PDE10A: variants seen among roughly 807,000 people sequenced by gnomAD.
PDE10A encodes the protein phosphodiesterase 10A.
Under a neutral mutation model 97.7 loss-of-function variants are expected in PDE10A, and 39 were observed. The observed-to-expected ratio is 0.40, with a 90% CI of 0.31 to 0.52. The LOEUF (loss-of-function observed/expected upper bound fraction) is 0.52, where lower values mean the gene tolerates loss of function less well. Ranked by LOEUF, PDE10A falls within the 20% of genes least tolerant of loss-of-function variation. The pLI is 0.56. For synonymous variants in PDE10A, 371 were observed against 376.8 expected, an observed-to-expected ratio of 0.98 and a Z score of 0.18; for missense variants, 731 against 1,047.8, an observed-to-expected ratio of 0.70 and a Z score of 4.17.
rs189196134 is a variant in PDE10A, at chr6:165,866,488, C to T, written c.-615+121041G>A. On this transcript the variant is annotated intron_variant, in intron 1 of 19. Transcript: ENST00000366882. ...TCATGCACTGGTGCGTAAGGGCATC[C>T]GCAGTCTCTTAACTTATGAACCAAT... 1.4e-3 allele frequency among the ~76,000 whole-genome samples: 214 copies of T among 151,748 alleles called. 1 individual carries two copies. Among genetic ancestry groups the T allele is most frequent in the African/African-American group, 4.9e-3 (201 of 41,438 alleles).
chr6:165,585,258 T>C (rs532327555), intron 1 of PDE10A, among the ~76,000 whole-genome samples: 6 of 152,290 alleles, frequency 3.9e-5, no homozygotes, highest in Admixed American at 1.3e-4. Context: ...ATTTGGAGAT[T>C]AGTCATAGTT....
chr6:165,868,818 A>G (rs1275648913), intron 1 of PDE10A, among the ~76,000 whole-genome samples: 2 of 152,010 alleles, frequency 1.3e-5, no homozygotes, highest in East Asian at 3.9e-4. Context: ...AAGATAATAC[A>G]CCATGGTAAA....
chr6:165,745,193 G>A (rs917801081), intron 1 of PDE10A, among the ~76,000 whole-genome samples: 2 of 152,130 alleles, frequency 1.3e-5, no homozygotes, highest in Non-Finnish European at 2.9e-5. Flanking sequence ...TCACATCACA[G>A]CTGCTTTATG....
At chr6:165,933,671 T>C (rs1783220294) in intron 1 of PDE10A, among the ~76,000 whole-genome samples, 8 of 152,238 alleles carry the variant, frequency 5.3e-5, no homozygotes, top group Admixed American at 5.2e-4. Context: ...AGAGTGCTTC[T>C]GGGTTTTTAC....
At chr6:165,607,931 A>G (rs1787289731) in intron 1 of PDE10A, among the ~76,000 whole-genome samples, 1 of 152,194 alleles carries the variant, frequency 6.6e-6, no homozygotes, top group African/African-American at 2.4e-5. Flanking sequence ...GAGTTTGCAG[A>G]GAACAGAAGG....
intron 1 of PDE10A, among the ~76,000 whole-genome samples, chr6:165,759,260 G>T (rs1422905715): frequency 7.1e-6 from 1 of 141,782 alleles, no homozygotes; most frequent in African/African-American, 2.5e-5. Context: ...CCTCAGATGG[G>T]TTTTATAAGT....
chr6:165,878,429 T>C (rs1781399688), intron 1 of PDE10A, among the ~76,000 whole-genome samples: 1 of 152,190 alleles, frequency 6.6e-6, no homozygotes, highest in South Asian at 2.1e-4. Context: ...AAGCATCAGC[T>C]TTGAAGCATC....
chr6:165,869,508 ATGAC>A (rs1781142096), intron 1 of PDE10A, among the ~76,000 whole-genome samples: 1 of 152,180 alleles, frequency 6.6e-6, no homozygotes. Flanking sequence ...TGTTGTTAAA[ATGAC>A]TGTACTACTC....
intron 15 of PDE10A, among the ~76,000 whole-genome samples, chr6:165,394,902 T>C (rs13195853): frequency 0.3 from 45,086 of 151,938 alleles, 7,445 homozygotes; most frequent in Middle Eastern, 0.38. Flanking sequence ...GTTACCCAGC[T>C]GAAAGAAACT....
intron 10 of PDE10A, among the ~76,000 whole-genome samples, chr6:165,427,142 T>C (rs1789223679): frequency 6.6e-6 from 1 of 152,032 alleles, no homozygotes; most frequent in African/African-American, 2.4e-5. Context: ...AAACAGGCAT[T>C]CAAACAAAAA....
At chr6:165,605,551 C>T (rs1787166324) in intron 1 of PDE10A, among the ~76,000 whole-genome samples, 1 of 152,172 alleles carries the variant, frequency 6.6e-6, no homozygotes, top group Admixed American at 6.5e-5. Flanking sequence ...TCAAGTCAAA[C>T]ACCACCTCCT....
intron 10 of PDE10A, among the ~76,000 whole-genome samples, chr6:165,420,869 T>G (rs1292270739): frequency 1.3e-5 from 2 of 152,110 alleles, no homozygotes; most frequent in South Asian, 2.1e-4. Context: ...AAAGAACAAT[T>G]TTTTCCAGTT....
At chr6:165,839,944 T>TCC (rs1456972396) in intron 1 of PDE10A, among the ~76,000 whole-genome samples, 8 of 150,602 alleles carry the variant, frequency 5.3e-5, no homozygotes, top group Non-Finnish European at 7.4e-5. Flanking sequence ...CTTATCTTCA[T>TCC]TTCCATCCCC....
intron 1 of PDE10A, among the ~76,000 whole-genome samples, chr6:165,637,745 C>T (rs892703747): frequency 1.3e-5 from 2 of 152,168 alleles, no homozygotes; most frequent in African/African-American, 4.8e-5. Flanking sequence ...TTCCCCGGCA[C>T]AGGCGGGGCG....
chr6:165,803,583 G>C (rs766590169), intron 1 of PDE10A, among the ~76,000 whole-genome samples: 3 of 152,226 alleles, frequency 2.0e-5, no homozygotes, highest in Non-Finnish European at 2.9e-5. Context: ...TCTGTGCCCA[G>C]CTTGTAACCT....
intron 1 of PDE10A, among the ~76,000 whole-genome samples, chr6:165,792,036 C>T (rs1359736282): frequency 1.3e-5 from 2 of 152,160 alleles, no homozygotes; most frequent in Admixed American, 6.5e-5. Flanking sequence ...GGCCCCCGCA[C>T]GCAGCCCAGC....
At chr6:165,625,198 C>T (rs574553602) in intron 1 of PDE10A, among the ~76,000 whole-genome samples, 3 of 152,224 alleles carry the variant, frequency 2.0e-5, no homozygotes, top group South Asian at 2.1e-4. Flanking sequence ...AGAAGTGAGA[C>T]AGCTGACTGG....
chr6:165,747,418 T>G (rs1792868092), intron 1 of PDE10A, among the ~76,000 whole-genome samples: 1 of 152,148 alleles, frequency 6.6e-6, no homozygotes, highest in South Asian at 2.1e-4. Flanking sequence ...CTTGCTCACA[T>G]TGACTCAATC....
At chr6:165,669,898 A>T (rs922386743) in intron 1 of PDE10A, among the ~76,000 whole-genome samples, 1 of 152,272 alleles carries the variant, frequency 6.6e-6, no homozygotes, top group Non-Finnish European at 1.5e-5. Context: ...TTCAAATTTA[A>T]AAAAGAATAC....
Sources: allele counts gnomAD v4.1 joint callset (sites outside exome capture counted in the v4.1 genomes callset), GRCh38; gene constraint gnomAD v4.1.1; transcripts MANE v1.5; gene names NCBI Gene and HGNC (gene_info 2026-07-23, HGNC 2026-07-21).